NTM: variants seen among roughly 807,000 people sequenced by gnomAD.
The protein encoded by NTM is IgLON family member 2.
In NTM, 13 loss-of-function variants were observed where a neutral mutation model predicts 42.1. The ratio of observed to expected loss-of-function variants is 0.31; its 90% CI spans 0.20 to 0.49. The LOEUF (loss-of-function observed/expected upper bound fraction) is 0.49, where lower values mean the gene tolerates loss of function less well. Ranked by LOEUF, NTM falls within the 20% of genes least tolerant of loss-of-function variation. The pLI is 0.99. For synonymous variants in NTM, 187 were observed against 179.2 expected, an observed-to-expected ratio of 1.04 and a Z score of -0.35; for missense variants, 373 against 452.8, an observed-to-expected ratio of 0.82 and a Z score of 1.60.
intron 2 of NTM, among the ~76,000 whole-genome samples, chr11:132,125,591 AGT>A (rs1462099397): frequency 1.3e-5 from 1 of 79,006 alleles, no homozygotes; most frequent in African/African-American, 5.1e-5. Context: ...TGTGGTGTGT[AGT>A]GTGTGGTGTG....
chr11:131,966,132 T>A (rs1263993740), intron 2 of NTM, among the ~76,000 whole-genome samples: 2 of 152,080 alleles, frequency 1.3e-5, no homozygotes, highest in Non-Finnish European at 2.9e-5. Context: ...GATAAAAAAA[T>A]GACAAAAATT....
chr11:132,222,849 A>G (rs2085449325), intron 4 of NTM, among the ~76,000 whole-genome samples: 1 of 152,150 alleles, frequency 6.6e-6, no homozygotes, highest in African/African-American at 2.4e-5. Flanking sequence ...CAGTTCTTCC[A>G]TAATAGATTC....
At chr11:132,027,839 T>G (rs1035672853) in intron 2 of NTM, among the ~76,000 whole-genome samples, 2 of 152,214 alleles carry the variant, frequency 1.3e-5, no homozygotes, top group African/African-American at 4.8e-5. Context: ...TGCTTCTTTC[T>G]CCCATCTACG....
At chr11:132,011,972 A>T (rs1339000518) in intron 2 of NTM, among the ~76,000 whole-genome samples, 2 of 152,072 alleles carry the variant, frequency 1.3e-5, no homozygotes, top group African/African-American at 4.8e-5. Context: ...TTTATCTCAA[A>T]CTCTTTAATG....
At chr11:132,056,508 A>G (rs2079684113) in intron 2 of NTM, among the ~76,000 whole-genome samples, 1 of 152,240 alleles carries the variant, frequency 6.6e-6, no homozygotes. Context: ...GCAGAGATTA[A>G]TAATGCATAT....
intron 3 of NTM, among the ~76,000 whole-genome samples, chr11:132,164,582 G>A (rs759468987): frequency 5.3e-5 from 8 of 151,976 alleles, no homozygotes; most frequent in East Asian, 1.9e-4. Context: ...CCTCGGTGAC[G>A]ATGGCTGATG....
chr11:131,988,676 A>G (rs1324033516), intron 2 of NTM, among the ~76,000 whole-genome samples: 5 of 152,192 alleles, frequency 3.3e-5, no homozygotes, highest in African/African-American at 9.7e-5. Flanking sequence ...GATTCGCTAG[A>G]GAAATTGATA....
chr11:132,072,534 A>G (rs1445064245), intron 2 of NTM, among the ~76,000 whole-genome samples: 2 of 152,232 alleles, frequency 1.3e-5, no homozygotes, highest in African/African-American at 4.8e-5. Flanking sequence ...ATGGGGAAAG[A>G]ATAGTTGCCT....
chr11:132,226,577 T>C (rs2086343395), intron 4 of NTM, among the ~76,000 whole-genome samples: 1 of 152,172 alleles, frequency 6.6e-6, no homozygotes, highest in African/African-American at 2.4e-5. Context: ...TGTAAATTGG[T>C]TTAAGTTCTT....
chr11:131,766,136 G>A (rs949646443), intron 1 of NTM, among the ~76,000 whole-genome samples: 4 of 152,192 alleles, frequency 2.6e-5, no homozygotes, highest in African/African-American at 9.6e-5. Flanking sequence ...ACACAGCTCA[G>A]ACGGCAGCCA....
intron 2 of NTM, among the ~76,000 whole-genome samples, chr11:132,069,099 A>G (rs138120661): frequency 9.2e-4 from 138 of 149,862 alleles, no homozygotes; most frequent in African/African-American, 3.2e-3. Flanking sequence ...TAACACAACA[A>G]ACTGACGATC....
intron 1 of NTM, among the ~76,000 whole-genome samples, chr11:131,576,597 T>G (rs1214383885): frequency 6.6e-6 from 1 of 152,204 alleles, no homozygotes; most frequent in Non-Finnish European, 1.5e-5. Context: ...ACTGCCTCCA[T>G]GTAAACATAA....
At chr11:131,470,820 C>G (rs987337128) in intron 1 of NTM, among the ~76,000 whole-genome samples, 6 of 152,180 alleles carry the variant, frequency 3.9e-5, no homozygotes, top group African/African-American at 1.4e-4. Context: ...AAAGGGAAAG[C>G]AGCCAGCTTC....
chr11:131,798,857 A>T (rs1181751087), intron 1 of NTM, among the ~76,000 whole-genome samples: 3 of 152,222 alleles, frequency 2.0e-5, no homozygotes, highest in African/African-American at 7.2e-5. Context: ...CAGGAAGCAG[A>T]TGGTAACGCC....
Position 132,174,749 on chromosome 11 carries a change from G to A in NTM, c.400+28235G>A, listed in dbSNP as rs182208999. Among the ~76,000 whole-genome samples the A allele has an allele frequency of 1.6e-4, 24 of 152,074 alleles. No homozygotes were observed. The East Asian group carries it at 1.9e-3, about 12-fold the overall frequency. ...TGGGCTGTATAATTGATGGCCTCTC[G>A]GGGTTGCTGGAGTCGTGCATTTAAA... On this transcript the variant is annotated intron_variant, in intron 3 of 8. Coordinates refer to ENST00000683400, the MANE Select transcript of NTM (RefSeq NM_001352005.2).
intron 1 of NTM, among the ~76,000 whole-genome samples, chr11:131,429,899 C>A (rs1416639988): frequency 6.6e-6 from 1 of 152,204 alleles, no homozygotes; most frequent in South Asian, 2.1e-4. Flanking sequence ...TATTATGGCA[C>A]TGACATTGTA....
intron 1 of NTM, among the ~76,000 whole-genome samples, chr11:131,803,444 G>A (rs1033326585): frequency 6.6e-6 from 1 of 152,016 alleles, no homozygotes; most frequent in African/African-American, 2.4e-5. Context: ...AAGTAGCTGG[G>A]ACTACAGGTG....
At chr11:131,607,437 A>G (rs1352909087) in intron 1 of NTM, among the ~76,000 whole-genome samples, 1 of 152,252 alleles carries the variant, frequency 6.6e-6, no homozygotes, top group African/African-American at 2.4e-5. Flanking sequence ...AGTAGAAATT[A>G]AAATTTTGCA....
In NTM at chr11:131,389,050, G is replaced by GAAAAGAAAAGAAAAGA. The variant is rs1555097661; in HGVS notation, c.82+18166_82+18167insGAAAAGAAAAGAAAAA. On this transcript the variant is annotated intron_variant, in intron 1 of 8. Coordinates refer to ENST00000683400, the MANE Select transcript of NTM (RefSeq NM_001352005.2). ...AAAAGAAAAGAAAAGAAAAGAAAAG[G>GAAAAGAAAAGAAAAGA]AAAAAGAAAGATGGTGGTTGAAAGT... Among the ~76,000 whole-genome samples, 340 of 100,140 alleles carry GAAAAGAAAAGAAAAGA rather than the reference G, an allele frequency of 3.4e-3. 15 individuals carry two copies. The highest frequency in any genetic ancestry group is 6.2e-3 in the Admixed American group (58 of 9,414). The allele number at this position is 100,140 out of a possible 152,430, so 65.7% of individuals were successfully genotyped here.
Sources: gnomAD v4.1 joint callset for allele counts (sites outside exome capture counted in the v4.1 genomes callset) on GRCh38, gnomAD v4.1.1 for gene constraint, MANE v1.5 for transcripts, NCBI Gene and HGNC (gene_info 2026-07-23, HGNC 2026-07-21) for gene names.